Variants in KIF19 observed in about 807,000 individuals in gnomAD.
KIF19 encodes kinesin family member 19, also known as kinesin-like protein KIF19.
Under a neutral mutation model 106.6 loss-of-function variants are expected in KIF19, and 98 were observed. The observed-to-expected ratio is 0.92, with a 90% CI of 0.78 to 1.09. KIF19 has a LOEUF of 1.09. KIF19 is among the 50% of genes least tolerant of loss of function. The pLI, the probability that KIF19 is intolerant of heterozygous loss-of-function variation, is 0.00. For synonymous variants in KIF19, 516 were observed against 584.2 expected (o/e 0.88, Z 1.68); for missense variants, 1,373 against 1,414.3 (o/e 0.97, Z 0.47).
At chr17:74,342,164 C>T (rs547343067) in intron 3 of KIF19, among the ~76,000 whole-genome samples, 178 bp downstream of exon 3, 242 of 152,318 alleles carry the variant, frequency 1.6e-3, no homozygotes, top group African/African-American at 5.3e-3. Flanking sequence ...GGCACACACA[C>T]CCGGCCTCCT....
chr17:74,353,441 G>T, intron 16 of KIF19, 53 bp from the exon 17 acceptor site: 1 of 1,546,910 alleles, frequency 6.5e-7, no homozygotes, highest in East Asian at 2.3e-5. Flanking sequence ...AGTGGGGCAT[G>T]GGGTCCCTGC....
chr17:74,326,344 G>A lies in KIF19; in HGVS notation c.-6G>A. Reference sequence around the variant, plus strand: ...CGCGGCCTGAGCCCCTCCACCTGCTGCAATCATGAAGGACAGCGGGGACTC... The same window carrying A: ...CGCGGCCTGAGCCCCTCCACCTGCTACAATCATGAAGGACAGCGGGGACTC... On this transcript the variant is annotated 5_prime_UTR_variant, in exon 1 of 20. Coordinates refer to ENST00000389916, the MANE Select transcript of KIF19 (RefSeq NM_153209.4). The A allele has an allele frequency of 6.2e-7, 1 of 1,611,262 alleles. No homozygotes were observed. The highest frequency in any genetic ancestry group is 8.5e-7 in the Non-Finnish European group (1 of 1,179,062).
At chr17:74,338,426 G>A (rs1246768824) in intron 2 of KIF19, among the ~76,000 whole-genome samples, 2 of 149,162 alleles carry the variant, frequency 1.3e-5, no homozygotes, top group East Asian at 1.9e-4. Context: ...CTGAGTGAGT[G>A]GCCTCATTCT....
At chr17:74,339,394 G>T (rs1374592298) in intron 2 of KIF19, among the ~76,000 whole-genome samples, 4 of 151,884 alleles carry the variant, frequency 2.6e-5, no homozygotes, top group Non-Finnish European at 4.4e-5. Context: ...CAGTCACAAT[G>T]ATCCATTGTG....
rs114327289 is a variant in KIF19, at chr17:74,331,262, C to T, written c.120+2757C>T. 0.014 allele frequency among the ~76,000 whole-genome samples: 2,148 copies of T among 152,200 alleles called. 30 individuals are homozygous for T. Among genetic ancestry groups the T allele is most frequent in the African/African-American group, 0.031 (1,274 of 41,516 alleles). On this transcript the variant is annotated intron_variant, in intron 2 of 19. Coordinates refer to ENST00000389916, the MANE Select transcript of KIF19 (RefSeq NM_153209.4). This position sits in a 1 kb window ranked among gnomAD's most constrained non-coding sequence, Gnocchi z 4.1. Reference sequence around the variant, plus strand: ...GCTTCTCTGATGGGGCCAGCTGGCCCGTCAAAGCTCTGTCCTTCCTCCTAA... The same window carrying T: ...GCTTCTCTGATGGGGCCAGCTGGCCTGTCAAAGCTCTGTCCTTCCTCCTAA...
chr17:74,342,527 C>A, intron 3 of KIF19, 103 bp from the exon 4 acceptor site: 1 of 853,382 alleles, frequency 1.2e-6, no homozygotes, highest in Non-Finnish European at 1.9e-6. Context: ...GGCTGGGGCT[C>A]CAGGGACAGA....
At chr17:74,332,210 T>TGTGTGTGTGTGTGTG (rs1567897631) in intron 2 of KIF19, among the ~76,000 whole-genome samples, 9 of 108,844 alleles carry the variant, frequency 8.3e-5, no homozygotes, top group Non-Finnish European at 1.4e-4. Flanking sequence ...GTGTGTGTGT[T>TGTGTGTGTGTGTGTG]TGTGTGTGTG....
rs2054772960 is a variant in KIF19, at chr17:74,353,313, G to A, written c.2220+12G>A. 5.1e-6 allele frequency: 8 copies of A among 1,557,190 alleles called. No homozygotes were observed. The highest frequency in any genetic ancestry group is 7.0e-6 in the Non-Finnish European group (8 of 1,149,884). On this transcript the variant is annotated intron_variant, in intron 16 of 19. Coordinates refer to ENST00000389916, the MANE Select transcript of KIF19 (RefSeq NM_153209.4). ...TGGTGACGCAGGAGGTGAGCTCTCA[G>A]TACCCGATGGCCCCACGAGCTCCAC... is the stretch of plus-strand genomic sequence containing the variant.
At chr17:74,335,274 C>G (rs1014022535) in intron 2 of KIF19, among the ~76,000 whole-genome samples, 1 of 152,238 alleles carries the variant, frequency 6.6e-6, no homozygotes, top group East Asian at 1.9e-4. Context: ...AAAGAATGAT[C>G]CAGCCCAAAA....
chr17:74,353,047 C>A, intron 15 of KIF19, 93 bp downstream of exon 15: 1 of 1,512,082 alleles, frequency 6.6e-7, no homozygotes, highest in Non-Finnish European at 9.1e-7. Context: ...CACAGAGCAG[C>A]AATGAGAGGG....
In KIF19 at chr17:74,354,297, T is replaced by G. The variant is rs756438076; in HGVS notation, c.2444T>G (p.Leu815Arg). ...CGCAGCAGCCTGTCCCTGCACTCAC[T>G]GAGCGAGGGCGACGATGCGCGGCCA... ...TERSSLSLHS[L>R]SEGDDARPPG... Residue 815 changes from leucine to arginine, a missense_variant, in exon 18 of 20, where the codon CTG becomes CGG. Around this residue, in one of 3 missense-constraint regions of KIF19, gnomAD observed 1,020 missense variants for 1,008.2 expected, o/e 1.01. Coordinates refer to ENST00000389916, the MANE Select transcript of KIF19 (RefSeq NM_153209.4). 3.7e-6 allele frequency: 6 copies of G among 1,608,456 alleles called. No individual in the cohort carries two copies. The highest frequency in any genetic ancestry group is 2.7e-5 in the African/African-American group (2 of 74,872).
In KIF19 at chr17:74,337,218, G is replaced by A. The variant is rs1200448960; in HGVS notation, c.121-4658G>A. 3.3e-5 allele frequency among the ~76,000 whole-genome samples: 5 copies of A among 152,194 alleles called. No individual in the cohort carries two copies. In the East Asian group the frequency reaches 5.8e-4, roughly 18 times the overall value. On this transcript the variant is annotated intron_variant, in intron 2 of 19. Coordinates refer to ENST00000389916, the MANE Select transcript of KIF19 (RefSeq NM_153209.4). ...GGCACAATCACCACTCCCTATAAAC[G>A]AAAGCTTTATTCAGCAAACGTCTCT...
intron 2 of KIF19, among the ~76,000 whole-genome samples, chr17:74,334,184 C>G (rs953340809): frequency 3.9e-5 from 6 of 152,074 alleles, no homozygotes; most frequent in Non-Finnish European, 7.4e-5. Context: ...TCACCGTGTT[C>G]TGTTTATCCT....
intron 2 of KIF19, among the ~76,000 whole-genome samples, chr17:74,340,856 G>T (rs2054353273): frequency 6.6e-6 from 1 of 152,232 alleles, no homozygotes; most frequent in Non-Finnish European, 1.5e-5. Flanking sequence ...GGCGGAGCAG[G>T]CAGGGCTGTA....
chr17:74,331,680 G>A lies in KIF19; in HGVS notation c.120+3175G>A, dbSNP rs1053129386. ...CAACCTCCGCCTCCTGGATTCAAGC[G>A]ATTCTCCTGCCTCAGCCTCCCATGT... On this transcript the variant is annotated intron_variant, in intron 2 of 19. Transcript: ENST00000389916. The surrounding 1 kb of genome is among the most constrained non-coding windows in gnomAD (Gnocchi z 4.1). Among the ~76,000 whole-genome samples the A allele has an allele frequency of 1.3e-5, 2 of 151,950 alleles. No homozygotes were observed. Among genetic ancestry groups the A allele is most frequent in the Non-Finnish European group, 1.5e-5 (1 of 67,940 alleles).
rs372427356 is a variant in KIF19 at position 74,352,832 on chromosome 17, G to C, written c.1992G>C (p.Leu664Phe). The change falls in exon 15 of 20, where the codon TTG (leucine) becomes TTC (phenylalanine). Residue 664 changes from leucine to phenylalanine, a missense_variant. Leu to Phe is a conservative substitution (Grantham distance 22, BLOSUM62 0). Transcript: ENST00000389916. ...VASRALQDSS[L>F]PKITPAGTSL... ...TCCCTCCTCCCCAGGACAGCTCCTT[G>C]CCCAAAATTACCCCAGCAGGAACCT... 3 of 1,613,818 alleles carry C rather than the reference G, an allele frequency of 1.9e-6. No individual in the cohort carries two copies. The African/African-American group carries it at 4.0e-5, about 22-fold the overall frequency.
intron 1 of KIF19, among the ~76,000 whole-genome samples, chr17:74,327,075 G>A (rs1416864886): frequency 5.3e-5 from 8 of 152,146 alleles, no homozygotes; most frequent in South Asian, 2.1e-4. Context: ...CAGTGACCTC[G>A]AGGCCACCAC....
intron 9 of KIF19, 45 bp from the exon 10 acceptor site, chr17:74,349,139 C>T: frequency 1.2e-6 from 2 of 1,610,262 alleles, no homozygotes; most frequent in East Asian, 2.2e-5. Context: ...GGTGAGTGCA[C>T]CTGGGGTGAC....
At chr17:74,352,544 C>T (rs140868930) in intron 14 of KIF19, among the ~76,000 whole-genome samples, 2 of 152,198 alleles carry the variant, frequency 1.3e-5, no homozygotes, top group Non-Finnish European at 2.9e-5. Flanking sequence ...CTGGGCATCA[C>T]TTGCTCCCAC....
Sources: allele counts gnomAD v4.1 joint callset (sites outside exome capture counted in the v4.1 genomes callset), GRCh38; gene constraint gnomAD v4.1.1; regional missense constraint gnomAD v4.1.1; non-coding constraint Gnocchi (gnomAD v3.1); transcripts MANE v1.5; gene names NCBI Gene and HGNC (gene_info 2026-07-23, HGNC 2026-07-21).